The following MEIKIN variants were observed in gnomAD, a reference collection of about 807,000 sequenced individuals.
MEIKIN encodes the protein meiotic kinetochore factor, also known as meiosis-specific kinetochore protein.
intron 4 of MEIKIN, among the ~76,000 whole-genome samples, chr5:131,940,379 G>A (rs78357130): frequency 2.0e-5 from 3 of 151,986 alleles, no homozygotes; most frequent in Non-Finnish European, 2.9e-5. Flanking sequence ...TAGACTCCTC[G>A]GTTAAGTTTT....
intron 5 of MEIKIN, among the ~76,000 whole-genome samples, chr5:131,932,146 G>A (rs1185343713): frequency 2.0e-5 from 3 of 152,164 alleles, no homozygotes; most frequent in African/African-American, 7.2e-5. Flanking sequence ...CTGCTGGGGT[G>A]GGGTGGAAAT....
At chr5:131,880,773 T>G (rs1750691151) in intron 8 of MEIKIN, among the ~76,000 whole-genome samples, 1 of 152,248 alleles carries the variant, frequency 6.6e-6, no homozygotes, top group African/African-American at 2.4e-5. Context: ...CCTGTGTATT[T>G]CTTATGTATT....
chr5:131,818,229 T>A (rs1305015730), intron 12 of MEIKIN, among the ~76,000 whole-genome samples: 1 of 152,106 alleles, frequency 6.6e-6, no homozygotes, highest in Non-Finnish European at 1.5e-5. Flanking sequence ...TGCAAAAACA[T>A]CTCCACATCT....
intron 8 of MEIKIN, among the ~76,000 whole-genome samples, chr5:131,898,956 A>G (rs1349462161): frequency 1.3e-5 from 2 of 152,146 alleles, no homozygotes; most frequent in African/African-American, 4.8e-5. Context: ...AGTCCCAATG[A>G]GATGAACCAG....
At chr5:131,830,271 C>A (rs1011698124) in intron 11 of MEIKIN, among the ~76,000 whole-genome samples, 2 of 152,150 alleles carry the variant, frequency 1.3e-5, no homozygotes, top group Non-Finnish European at 2.9e-5. Context: ...CTGACACATG[C>A]CTGTAGTCCC....
chr5:131,852,211 G>T (rs1421966602), intron 10 of MEIKIN, among the ~76,000 whole-genome samples: 2 of 152,056 alleles, frequency 1.3e-5, no homozygotes, highest in Non-Finnish European at 2.9e-5. Flanking sequence ...ATTGAATCAT[G>T]GGGGTGGTTT....
At chr5:131,813,448 A>G (rs1337811102) in intron 12 of MEIKIN, among the ~76,000 whole-genome samples, 3 of 139,182 alleles carry the variant, frequency 2.2e-5, no homozygotes, top group African/African-American at 7.7e-5. Flanking sequence ...TTTTTTTGAG[A>G]CAGAGTCTTG....
At chr5:131,938,366 C>A (rs1751816966) in intron 4 of MEIKIN, among the ~76,000 whole-genome samples, 1 of 152,012 alleles carries the variant, frequency 6.6e-6, no homozygotes, top group Non-Finnish European at 1.5e-5. Context: ...CAGGGTTTCA[C>A]CGTGTTGCCC....
At chr5:131,850,529 A>G (rs1041446137) in intron 11 of MEIKIN, among the ~76,000 whole-genome samples, 2 of 152,184 alleles carry the variant, frequency 1.3e-5, no homozygotes. Context: ...CCTCACATAT[A>G]TGGTTAAATG....
chr5:131,866,559 G>C (rs1750388821), intron 9 of MEIKIN, among the ~76,000 whole-genome samples: 1 of 152,210 alleles, frequency 6.6e-6, no homozygotes, highest in Non-Finnish European at 1.5e-5. Context: ...AACTGAAAGG[G>C]ACTGGCTTCA....
intron 9 of MEIKIN, among the ~76,000 whole-genome samples, chr5:131,860,754 CTTTTTTTTTT>C (rs35117395): frequency 2.0e-5 from 1 of 50,982 alleles, no homozygotes; most frequent in Non-Finnish European, 3.2e-5. Flanking sequence ...GCCTGTTTGG[CTTTTTTTTTT>C]TTTTTTTTTT....
intron 11 of MEIKIN, among the ~76,000 whole-genome samples, chr5:131,842,784 C>T (rs969710255): frequency 1.3e-5 from 2 of 152,212 alleles, no homozygotes; most frequent in African/African-American, 4.8e-5. Context: ...CACCCTTCCA[C>T]ATTTTATGCT....
chr5:131,844,588 A>G (rs1342055921), intron 11 of MEIKIN, among the ~76,000 whole-genome samples: 1 of 152,180 alleles, frequency 6.6e-6, no homozygotes, highest in African/African-American at 2.4e-5. Context: ...AGAGAACCCC[A>G]GCAATATGCA....
At chr5:131,884,297 TGAG>T (rs1312254570) in intron 8 of MEIKIN, among the ~76,000 whole-genome samples, 1 of 152,114 alleles carries the variant, frequency 6.6e-6, no homozygotes, top group Non-Finnish European at 1.5e-5. Flanking sequence ...TCCTTTTGCT[TGAG>T]GAGAAGAGAG....
chr5:131,810,391 T>C (rs754928710), intron 12 of MEIKIN, among the ~76,000 whole-genome samples: 7 of 152,172 alleles, frequency 4.6e-5, no homozygotes, highest in African/African-American at 7.2e-5. Context: ...AGCCAAAAGG[T>C]ATTATTAGAC....
intron 9 of MEIKIN, among the ~76,000 whole-genome samples, chr5:131,870,699 A>T (rs1192123402): frequency 6.6e-6 from 1 of 152,136 alleles, no homozygotes; most frequent in Non-Finnish European, 1.5e-5. Context: ...TTATTCCTTC[A>T]TCATTTGTAT....
chr5:131,816,863 T>C (rs1580856596), intron 12 of MEIKIN, among the ~76,000 whole-genome samples: 1 of 152,188 alleles, frequency 6.6e-6, no homozygotes, highest in African/African-American at 2.4e-5. Context: ...TAGCAATATA[T>C]TATTGTGATG....
intron 8 of MEIKIN, among the ~76,000 whole-genome samples, chr5:131,884,958 G>C (rs190259696): frequency 7.4e-4 from 113 of 152,176 alleles, no homozygotes; most frequent in Middle Eastern, 3.4e-3. Flanking sequence ...GGAAAGAAGA[G>C]AGAAGAGTGG....
At chr5:131,810,706 G>C (rs531339346) in intron 12 of MEIKIN, among the ~76,000 whole-genome samples, 1 of 152,324 alleles carries the variant, frequency 6.6e-6, no homozygotes, top group East Asian at 1.9e-4. Flanking sequence ...GCTTAGACTA[G>C]ATGTTTTCTA....
Sources: gnomAD v4.1 joint callset for allele counts (sites outside exome capture counted in the v4.1 genomes callset) on GRCh38, gnomAD v4.1.1 for gene constraint, MANE v1.5 for transcripts, NCBI Gene and HGNC (gene_info 2026-07-23, HGNC 2026-07-21) for gene names.